The following TLK1 variants were observed in gnomAD, a reference collection of about 807,000 sequenced individuals.
TLK1 encodes serine/threonine-protein kinase tousled-like 1.
TLK1 carries 24 observed loss-of-function variants against 105.3 expected under a neutral mutation model. The ratio of observed to expected loss-of-function variants is 0.23; its 90% CI spans 0.17 to 0.32. The LOEUF is 0.32. Ranked by LOEUF, TLK1 falls within the 10% of genes least tolerant of loss-of-function variation. TLK1 has a pLI of 1.00. For synonymous variants in TLK1, 321 were observed against 310.4 expected (o/e 1.03, Z -0.36); for missense variants, 558 against 910.5 (o/e 0.61, Z 4.98).
intron 1 of TLK1, among the ~76,000 whole-genome samples, chr2:171,145,369 A>C (rs1691750240): frequency 6.6e-6 from 1 of 151,908 alleles, no homozygotes; most frequent in African/African-American, 2.4e-5. Flanking sequence ...AGGCGGGTGG[A>C]TCACGAGGTC....
chr2:171,089,933 T>G (rs1445792500), intron 2 of TLK1, among the ~76,000 whole-genome samples: 1 of 152,216 alleles, frequency 6.6e-6, no homozygotes, highest in African/African-American at 2.4e-5. Flanking sequence ...TAGACCATTC[T>G]TGGTCTTTAC....
In TLK1 at chr2:171,006,899, G is replaced by A; in HGVS notation, c.1509-10C>T. On this transcript the variant is annotated splice_polypyrimidine_tract_variant and intron_variant, in intron 15 of 20. Transcript: ENST00000431350. ...CTCTCTGCAGGCATGTCTATGAGAA[G>A]ACAGTGTATTAATTCTCCATGATCA... 1 of 1,610,834 alleles carries A rather than the reference G, an allele frequency of 6.2e-7. No homozygotes were observed. Among genetic ancestry groups the A allele is most frequent in the Non-Finnish European group, 8.5e-7 (1 of 1,177,872 alleles).
chr2:171,062,060 G>A (rs141205541), intron 3 of TLK1, among the ~76,000 whole-genome samples: 18 of 152,300 alleles, frequency 1.2e-4, no homozygotes, highest in African/African-American at 3.9e-4. Flanking sequence ...TGACATGTGT[G>A]TTCCTATAAC....
intron 11 of TLK1, 87 bp downstream of exon 11, chr2:171,046,087 A>C (rs1431448702): frequency 1.6e-5 from 19 of 1,198,604 alleles, no homozygotes; most frequent in Non-Finnish European, 2.1e-5. Context: ...TTGCTATCTA[A>C]GTATTAATTA....
At chr2:171,001,449 A>T (rs1021793454) in intron 18 of TLK1, among the ~76,000 whole-genome samples, 1 of 152,180 alleles carries the variant, frequency 6.6e-6, no homozygotes, top group Non-Finnish European at 1.5e-5. Flanking sequence ...GCACTGATGG[A>T]ACCAATCCAA....
At chr2:171,099,567 A>G (rs1415328966) in intron 2 of TLK1, among the ~76,000 whole-genome samples, 1 of 152,202 alleles carries the variant, frequency 6.6e-6, no homozygotes, top group Non-Finnish European at 1.5e-5. Flanking sequence ...TTGAAAAAAG[A>G]ACAGAGTTGG....
At chr2:170,996,946 A>G (rs1014949145) in intron 19 of TLK1, among the ~76,000 whole-genome samples, 186 bp from the exon 20 acceptor site, 6 of 152,240 alleles carry the variant, frequency 3.9e-5, no homozygotes, top group African/African-American at 1.4e-4. Context: ...GCAGGCCAAG[A>G]AAGCCTACCT....
At chr2:171,186,118 G>T (rs1411852436) in intron 1 of TLK1, among the ~76,000 whole-genome samples, 3 of 152,202 alleles carry the variant, frequency 2.0e-5, no homozygotes, top group Non-Finnish European at 2.9e-5. Flanking sequence ...AAATTCAAAA[G>T]AATATGACTC....
At chr2:171,056,673 G>T in intron 5 of TLK1, 107 bp from the exon 6 acceptor site, 1 of 825,348 alleles carries the variant, frequency 1.2e-6, no homozygotes, top group Non-Finnish European at 1.8e-6. Flanking sequence ...TTTAAAATAA[G>T]TAGTCATTTA....
intron 11 of TLK1, among the ~76,000 whole-genome samples, chr2:171,039,276 G>T (rs528119283): frequency 6.6e-6 from 1 of 151,930 alleles, no homozygotes; most frequent in African/African-American, 2.4e-5. Flanking sequence ...TTGTTGTTTT[G>T]TTTTTTGAGA....
intron 14 of TLK1, 128 bp downstream of exon 14, chr2:171,011,245 C>T (rs1027647323): frequency 4.3e-6 from 3 of 692,016 alleles, no homozygotes; most frequent in African/African-American, 1.8e-5. Flanking sequence ...AGGCACCCTC[C>T]CATCTCCCAA....
intron 1 of TLK1, among the ~76,000 whole-genome samples, chr2:171,149,246 A>AGC (rs1691933603): frequency 5.3e-5 from 8 of 151,266 alleles, no homozygotes; most frequent in Admixed American, 1.3e-4. Context: ...GCAGCAGCAG[A>AGC]AGAAGAAGAA....
intron 1 of TLK1, among the ~76,000 whole-genome samples, chr2:171,189,647 T>C (rs765010348): frequency 3.9e-5 from 6 of 152,202 alleles, no homozygotes; most frequent in Non-Finnish European, 5.9e-5. Flanking sequence ...TTTCAATTTG[T>C]GATTGCATTC....
At chr2:171,001,725 A>C (rs1022262756) in intron 18 of TLK1, among the ~76,000 whole-genome samples, 1 of 152,104 alleles carries the variant, frequency 6.6e-6, no homozygotes, top group Non-Finnish European at 1.5e-5. Context: ...GTCTGCATTA[A>C]ATTATCTGTT....
At chr2:171,036,241 T>A (rs1011639433) in intron 11 of TLK1, among the ~76,000 whole-genome samples, 1 of 152,078 alleles carries the variant, frequency 6.6e-6, no homozygotes, top group African/African-American at 2.4e-5. Context: ...GGTCAGGAGT[T>A]CGAGACCAGC....
intron 1 of TLK1, among the ~76,000 whole-genome samples, chr2:171,174,885 T>G (rs1692792625): frequency 6.6e-6 from 1 of 152,186 alleles, no homozygotes. Context: ...TTAGTAATAT[T>G]ACCCTTAACA....
intron 1 of TLK1, among the ~76,000 whole-genome samples, chr2:171,206,481 C>T (rs1227526927): frequency 6.6e-6 from 1 of 152,148 alleles, no homozygotes; most frequent in African/African-American, 2.4e-5. Context: ...ACAATCTCTA[C>T]CCCTTGTCTG....
At chr2:171,226,285 G>GT (rs2105333341) in intron 1 of TLK1, among the ~76,000 whole-genome samples, 1 of 152,266 alleles carries the variant, frequency 6.6e-6, no homozygotes, top group South Asian at 2.1e-4. Flanking sequence ...TAAATAGCAA[G>GT]TAGTATTAGG....
chr2:171,066,723 T>TA (rs1390526647), intron 3 of TLK1: 33 of 996,334 alleles, frequency 3.3e-5, no homozygotes, highest in Non-Finnish European at 4.5e-5. Context: ...TCTTATCACT[T>TA]ACGTAGTCTA....
Sources: gnomAD v4.1 joint callset for allele counts (sites outside exome capture counted in the v4.1 genomes callset) on GRCh38, gnomAD v4.1.1 for gene constraint, MANE v1.5 for transcripts, NCBI Gene and HGNC (gene_info 2026-07-23, HGNC 2026-07-21) for gene names.